Variants in NPFFR2 observed in about 807,000 individuals in gnomAD.
NPFFR2 encodes the protein G-protein coupled receptor 74.
A neutral mutation model predicts 13.1 loss-of-function variants in NPFFR2; 15 were observed. That is an observed-to-expected ratio of 1.15 (90% CI 0.77 to 1.76). The LOEUF (loss-of-function observed/expected upper bound fraction) is 1.76, where lower values mean the gene tolerates loss of function less well. Among genes scored for constraint, NPFFR2 ranks in the 40% most tolerant of loss-of-function variants. The probability of loss-of-function intolerance (pLI) is 0.00; values close to 1 mark genes in which losing one functional copy is unlikely to be tolerated. For missense variants in NPFFR2, 572 were observed against 503.5 expected (o/e 1.14, Z -1.30); for synonymous variants, 190 against 175.7 (o/e 1.08, Z -0.65).
At chr4:72,088,493 A>G (rs1404242953) in intron 1 of NPFFR2, among the ~76,000 whole-genome samples, 1 of 152,110 alleles carries the variant, frequency 6.6e-6, no homozygotes, top group Non-Finnish European at 1.5e-5. Flanking sequence ...GACTATATGA[A>G]GGCATACATA....
intron 1 of NPFFR2, among the ~76,000 whole-genome samples, chr4:72,089,911 AG>A (rs1687269068): frequency 6.6e-6 from 1 of 151,984 alleles, no homozygotes; most frequent in Non-Finnish European, 1.5e-5. Context: ...AAGGTCTAGA[AG>A]GGTTTTTTTC....
intron 1 of NPFFR2, among the ~76,000 whole-genome samples, chr4:72,051,856 A>G (rs10937994): frequency 0.89 from 134,944 of 151,392 alleles, 61,259 homozygotes; most frequent in Non-Finnish European, 0.98. Context: ...ATCAAAGAAT[A>G]CTACAAACAC....
rs201021581 is a variant in NPFFR2 at position 72,032,119 on chromosome 4, G to C, written c.-89G>C. The C allele has an allele frequency of 5.0e-6, 8 of 1,614,148 alleles. No homozygotes were observed. The highest frequency in any genetic ancestry group is 5.9e-6 in the Non-Finnish European group (7 of 1,179,994). Reference sequence around the variant, plus strand: ...CGGCAGACTGCGAAAAGTAGCTGGAGCCGGAGCAGGGACAGAACCTGTTGC... The same window carrying C: ...CGGCAGACTGCGAAAAGTAGCTGGACCCGGAGCAGGGACAGAACCTGTTGC... On this transcript the variant is annotated 5_prime_UTR_variant, in exon 1 of 4. Coordinates refer to ENST00000308744, the MANE Select transcript of NPFFR2 (RefSeq NM_004885.3).
In NPFFR2 at chr4:72,133,218, T is replaced by C. The variant is rs545052629; in HGVS notation, c.328+4299T>C. 3.9e-5 allele frequency among the ~76,000 whole-genome samples: 6 copies of C among 152,322 alleles called. No homozygotes were observed. The South Asian group carries it at 1.2e-3, about 32-fold the overall frequency. On this transcript the variant is annotated intron_variant, in intron 2 of 3. Transcript: ENST00000308744. ...GGGTGTGGTTTCAATCTTCTGCACA[T>C]GGCTAGCCAGTTATCCCAGCATGAT...
chr4:72,068,400 G>C (rs58904572), intron 1 of NPFFR2, among the ~76,000 whole-genome samples: 4,476 of 152,206 alleles, frequency 0.029, 211 homozygotes, highest in African/African-American at 0.1. Context: ...TTTATAAAAG[G>C]CTTAGTCCCA....
chr4:72,106,158 A>T (rs1243665678), intron 1 of NPFFR2, among the ~76,000 whole-genome samples: 1 of 152,078 alleles, frequency 6.6e-6, no homozygotes, highest in African/African-American at 2.4e-5. Flanking sequence ...AAAGAGTTTA[A>T]TATACAAGCC....
At chr4:72,118,400 T>C (rs1462637125) in intron 1 of NPFFR2, among the ~76,000 whole-genome samples, 3 of 152,194 alleles carry the variant, frequency 2.0e-5, no homozygotes, top group Non-Finnish European at 4.4e-5. Flanking sequence ...GAAGTTTGTA[T>C]AATTATTATT....
At chr4:72,065,708 C>T (rs1720047630) in intron 1 of NPFFR2, among the ~76,000 whole-genome samples, 2 of 152,242 alleles carry the variant, frequency 1.3e-5, no homozygotes, top group East Asian at 3.9e-4. Flanking sequence ...AGCCTTTCCC[C>T]AACTACACAG....
intron 1 of NPFFR2, among the ~76,000 whole-genome samples, chr4:72,118,040 A>G (rs568828913): frequency 6.6e-6 from 1 of 152,314 alleles, no homozygotes; most frequent in African/African-American, 2.4e-5. Context: ...GGCGAAAGTG[A>G]AAAACATATG....
chr4:72,131,960 G>A (rs566192977), intron 2 of NPFFR2, among the ~76,000 whole-genome samples: 137 of 116,474 alleles, frequency 1.2e-3, no homozygotes, highest in African/African-American at 5.0e-3. Context: ...AAAAGAGGGT[G>A]TACAAATTGA....
At chr4:72,045,139 G>A (rs1719338934) in intron 1 of NPFFR2, among the ~76,000 whole-genome samples, 1 of 152,114 alleles carries the variant, frequency 6.6e-6, no homozygotes, top group African/African-American at 2.4e-5. Flanking sequence ...ATTTATTGAA[G>A]AGGGTGTTCT....
chr4:72,050,793 G>A (rs978595156), intron 1 of NPFFR2, among the ~76,000 whole-genome samples: 1 of 145,958 alleles, frequency 6.9e-6, no homozygotes, highest in Non-Finnish European at 1.5e-5. Flanking sequence ...TCCCCAGAGT[G>A]TGATGTTCCC....
intron 1 of NPFFR2, among the ~76,000 whole-genome samples, chr4:72,098,927 T>C (rs1230005940): frequency 1.3e-5 from 2 of 152,190 alleles, no homozygotes; most frequent in Admixed American, 6.6e-5. Flanking sequence ...GGCTCAGAAA[T>C]ATATTCTTCC....
At chr4:72,126,085 C>G (rs1036464890) in intron 1 of NPFFR2, among the ~76,000 whole-genome samples, 3 of 152,108 alleles carry the variant, frequency 2.0e-5, no homozygotes, top group African/African-American at 7.2e-5. Context: ...GCATTTTTGA[C>G]AAAAATATTG....
At chr4:72,058,144 A>G (rs1461425706) in intron 1 of NPFFR2, among the ~76,000 whole-genome samples, 1 of 151,918 alleles carries the variant, frequency 6.6e-6, no homozygotes, top group Admixed American at 6.6e-5. Context: ...TAATTTCCTG[A>G]TTTTGATTAT....
chr4:72,117,243 G>A (rs147314274), intron 1 of NPFFR2, among the ~76,000 whole-genome samples: 44 of 151,898 alleles, frequency 2.9e-4, no homozygotes, highest in Non-Finnish European at 4.9e-4. Context: ...TTCCTTTCTC[G>A]GCTGTCCTTC....
At chr4:72,077,637 C>A (rs1720486067) in intron 1 of NPFFR2, among the ~76,000 whole-genome samples, 1 of 152,100 alleles carries the variant, frequency 6.6e-6, no homozygotes, top group Non-Finnish European at 1.5e-5. Flanking sequence ...GAAATTGCTG[C>A]AGATCTTGAC....
chr4:72,065,059 T>G (rs1425853367), intron 1 of NPFFR2, among the ~76,000 whole-genome samples: 1 of 146,990 alleles, frequency 6.8e-6, no homozygotes, highest in African/African-American at 2.5e-5. Context: ...GACAGAAATC[T>G]GAAATAAAAC....
At chr4:72,140,424 A>G (rs867992339) in intron 3 of NPFFR2, among the ~76,000 whole-genome samples, 2 of 152,162 alleles carry the variant, frequency 1.3e-5, no homozygotes, top group Admixed American at 1.3e-4. Context: ...TTATTTTGAG[A>G]TACATTCCAT....
Sources: gnomAD v4.1 joint callset for allele counts (sites outside exome capture counted in the v4.1 genomes callset) on GRCh38, gnomAD v4.1.1 for gene constraint, MANE v1.5 for transcripts, NCBI Gene and HGNC (gene_info 2026-07-23, HGNC 2026-07-21) for gene names.